The following FGD3 variants were observed in gnomAD, a reference collection of about 807,000 sequenced individuals.
FGD3 encodes the protein FYVE, RhoGEF and PH domain containing 3, also known as FYVE, RhoGEF and PH domain-containing protein 3.
Under a neutral mutation model 71.8 loss-of-function variants are expected in FGD3, and 45 were observed. The observed-to-expected ratio is 0.63, with a 90% confidence interval of 0.49 to 0.80. The LOEUF (loss-of-function observed/expected upper bound fraction) is 0.80. Ranked by LOEUF, FGD3 falls within the 30% of genes least tolerant of loss-of-function variation. The pLI is 0.00. For synonymous variants in FGD3, 378 were observed against 392.8 expected, an observed-to-expected ratio of 0.96 and a Z score of 0.44; for missense variants, 844 against 951.5, an observed-to-expected ratio of 0.89 and a Z score of 1.49.
chr9:92,995,422 A>T (rs148149880), intron 3 of FGD3, among the ~76,000 whole-genome samples: 4,737 of 152,276 alleles, frequency 0.031, 261 homozygotes, highest in African/African-American at 0.11. Flanking sequence ...ATCTGCAAAC[A>T]GGGACAATTT....
intron 11 of FGD3, among the ~76,000 whole-genome samples, chr9:93,018,910 A>G (rs1215898227): frequency 6.6e-6 from 1 of 152,028 alleles, no homozygotes; most frequent in African/African-American, 2.4e-5. Context: ...CAGTGGCACA[A>G]TCTCGGCTCA....
chr9:93,024,522 G>A (rs1157994349), intron 14 of FGD3, among the ~76,000 whole-genome samples: 1 of 152,274 alleles, frequency 6.6e-6, no homozygotes, highest in East Asian at 1.9e-4. Flanking sequence ...GGAGACATCC[G>A]TGGTCACAGT....
At chr9:92,977,605 ATCAC>A (rs1287981404) in intron 3 of FGD3, among the ~76,000 whole-genome samples, 1 of 152,124 alleles carries the variant, frequency 6.6e-6, no homozygotes, top group East Asian at 1.9e-4. Flanking sequence ...AGGCTTTATT[ATCAC>A]TCAGGTGTAG....
At position 92,992,616 on chromosome 9, in the gene FGD3, A is replaced by G. The variant is rs550260210; in HGVS notation, c.454-10309A>G. On this transcript the variant is annotated intron_variant, in intron 3 of 17. Coordinates refer to ENST00000375482, the MANE Select transcript of FGD3 (RefSeq NM_001083536.2). ...ACAGCTGATCCTGGGCCCAAGCTCT[A>G]TGCATCTGGGGTTGTGGCATTCAAG... Among the ~76,000 whole-genome samples the G allele has an allele frequency of 2.0e-5, 3 of 151,956 alleles. No homozygotes were observed. The East Asian group carries it at 5.8e-4, about 29-fold the overall frequency.
intron 3 of FGD3, among the ~76,000 whole-genome samples, chr9:92,981,654 T>A (rs1004021506): frequency 6.6e-6 from 1 of 152,176 alleles, no homozygotes; most frequent in Non-Finnish European, 1.5e-5. Flanking sequence ...CTCCTAATAT[T>A]ATTTTGCCGA....
In FGD3 at chr9:92,976,542, T is replaced by C; in HGVS notation, c.286T>C (p.Leu96=). The C allele has an allele frequency of 6.2e-7, 1 of 1,612,606 alleles. No individual in the cohort carries two copies. Among genetic ancestry groups the C allele is most frequent in the Non-Finnish European group, 8.5e-7 (1 of 1,179,802 alleles). ...AGAGAACTTTCCCTGCGAGGAGGGC[T>C]TGGAGGCTGGCCCAAGCCCCACTGT... ...AGENFPCEEG[L]EAGPSPTVLG... is the part of the protein sequence containing the mutation. Residue 96 remains leucine (L), a synonymous_variant, in exon 3 of 18, where the codon TTG becomes CTG. Transcript: ENST00000375482.
At chr9:92,968,396 C>T (rs1015305229) in intron 1 of FGD3, among the ~76,000 whole-genome samples, 1 of 151,956 alleles carries the variant, frequency 6.6e-6, no homozygotes, top group African/African-American at 2.4e-5. Context: ...CTGCCCTCTC[C>T]GAGGCCCCTC....
chr9:92,976,446 G>A lies in FGD3; in HGVS notation c.190G>A (p.Glu64Lys). 1 of 1,611,966 alleles carries A rather than the reference G, an allele frequency of 6.2e-7. No homozygotes were observed. The highest frequency in any genetic ancestry group is 8.5e-7 in the Non-Finnish European group (1 of 1,179,424). Residue 64 changes from glutamate to lysine, a missense_variant, in exon 3 of 18, where the codon GAG becomes AAG. By Grantham distance (56) the Glu-to-Lys change is moderately conservative (BLOSUM62 1). Transcript: ENST00000375482. Reference sequence around the variant, plus strand: ...CTCTCCAGACATAGGCCCCACGGGAGAGCTGAGTGGTAGCTTAAAGATCCC... The same window carrying A: ...CTCTCCAGACATAGGCCCCACGGGAAAGCTGAGTGGTAGCTTAAAGATCCC... Reference protein sequence around the residue: ...DGSPDIGPTGELSGSLKIPNR... With the variant: ...DGSPDIGPTGKLSGSLKIPNR...
Position 93,019,820 on chromosome 9 carries a change from T to A in FGD3, c.1356-11T>A. On this transcript the variant is annotated splice_polypyrimidine_tract_variant and intron_variant, in intron 11 of 17. Coordinates refer to ENST00000375482, the MANE Select transcript of FGD3 (RefSeq NM_001083536.2). ...AGACTGGATTAATACAAGACCGTTT[T>A]GGTTTTTTAGGACAGAGGAAGAGAA... 1 of 1,613,842 alleles carries A rather than the reference T, an allele frequency of 6.2e-7. No homozygotes were observed. Among genetic ancestry groups the A allele is most frequent in the Non-Finnish European group, 8.5e-7 (1 of 1,179,744 alleles).
chr9:92,961,415 A>G (rs1213802650), intron 1 of FGD3, among the ~76,000 whole-genome samples: 1 of 152,208 alleles, frequency 6.6e-6, no homozygotes, highest in East Asian at 1.9e-4. Context: ...GGTCACCAGG[A>G]GTCCTCCGGG....
chr9:93,020,707 G>A (rs1378357619), intron 13 of FGD3: 1 of 387,256 alleles, frequency 2.6e-6, no homozygotes, highest in Non-Finnish European at 4.8e-6. Flanking sequence ...CTGCTGTGTG[G>A]TTGGAGAGGA....
chr9:92,967,255 G>A (rs1859365904), intron 1 of FGD3, among the ~76,000 whole-genome samples: 1 of 152,148 alleles, frequency 6.6e-6, no homozygotes, highest in African/African-American at 2.4e-5. Flanking sequence ...GAGCCACCGT[G>A]CCCAGCCTCC....
At chr9:93,000,129 T>C (rs1333211484) in intron 3 of FGD3, among the ~76,000 whole-genome samples, 1 of 152,132 alleles carries the variant, frequency 6.6e-6, no homozygotes, top group Non-Finnish European at 1.5e-5. Flanking sequence ...GTGGTTACCA[T>C]TGCAATTACA....
intron 3 of FGD3, among the ~76,000 whole-genome samples, chr9:92,996,739 G>T (rs938242964): frequency 4.8e-4 from 73 of 152,326 alleles, no homozygotes; most frequent in East Asian, 1.5e-3. Flanking sequence ...TATGTACCCA[G>T]TAGTCATTCA....
chr9:93,022,102 C>T (rs1861940673), intron 13 of FGD3, among the ~76,000 whole-genome samples: 1 of 152,198 alleles, frequency 6.6e-6, no homozygotes, highest in African/African-American at 2.4e-5. Context: ...CAGCCACCCA[C>T]CTCACTGGGA....
Position 93,035,367 on chromosome 9 carries a change from C to A in FGD3, c.1956C>A (p.Leu652=). 1.2e-6 allele frequency: 2 copies of A among 1,610,674 alleles called. No homozygotes were observed. Among genetic ancestry groups the A allele is most frequent in the Non-Finnish European group, 8.5e-7 (1 of 1,178,916 alleles). The change falls in exon 18 of 18, where the codon CTC becomes CTA. Residue 652 remains leucine, a synonymous_variant. Coordinates refer to ENST00000375482, the MANE Select transcript of FGD3 (RefSeq NM_001083536.2). ...QDGRLPRTIP[L]PSCKLSVPDP... ...GCCGGCTGCCCCGCACCATCCCTCTCCCCAGCTGCAAACTGAGTGTGCCGG... is the reference window on the plus strand; with the variant it reads ...GCCGGCTGCCCCGCACCATCCCTCTACCCAGCTGCAAACTGAGTGTGCCGG...
chr9:92,990,681 A>G lies in FGD3; in HGVS notation c.454-12244A>G, dbSNP rs145976996. Among the ~76,000 whole-genome samples, 510 of 152,324 alleles carry G rather than the reference A, an allele frequency of 3.3e-3. 4 individuals carry two copies. Among genetic ancestry groups the G allele is most frequent in the African/African-American group, 0.012 (495 of 41,584 alleles). Reference sequence around the variant, plus strand: ...TCTCAGCATATATTAAAATGATCATATGGTTTTTGTTCTTAGTTCTGTGAA... The same window carrying G: ...TCTCAGCATATATTAAAATGATCATGTGGTTTTTGTTCTTAGTTCTGTGAA... On this transcript the variant is annotated intron_variant, in intron 3 of 17. Coordinates refer to ENST00000375482, the MANE Select transcript of FGD3 (RefSeq NM_001083536.2).
intron 14 of FGD3, among the ~76,000 whole-genome samples, chr9:93,027,355 A>G (rs1238784064): frequency 2.0e-5 from 3 of 152,166 alleles, no homozygotes; most frequent in Non-Finnish European, 4.4e-5. Flanking sequence ...GTCTGAGATC[A>G]AGGTGTGGGT....
At chr9:92,994,495 G>T (rs981573163) in intron 3 of FGD3, among the ~76,000 whole-genome samples, 9 of 152,102 alleles carry the variant, frequency 5.9e-5, no homozygotes, top group Non-Finnish European at 1.3e-4. Context: ...GTCAATTTTG[G>T]CTTTTGTTGC....
Sources: gnomAD v4.1 joint callset for allele counts (sites outside exome capture counted in the v4.1 genomes callset) on GRCh38, gnomAD v4.1.1 for gene constraint, MANE v1.5 for transcripts, NCBI Gene and HGNC (gene_info 2026-07-23, HGNC 2026-07-21) for gene names.